XKR9: variants seen among roughly 807,000 people sequenced by gnomAD.
The protein encoded by XKR9 is XK-related protein 9.
Under a neutral mutation model 32.0 loss-of-function variants are expected in XKR9, and 32 were observed. That is an observed-to-expected ratio of 1.00 (90% CI 0.76 to 1.34). The LOEUF (loss-of-function observed/expected upper bound fraction) is 1.34, where lower values mean the gene tolerates loss of function less well. Ranked by LOEUF, XKR9 falls within the 40% of genes most tolerant of loss-of-function variation. The pLI is 0.00. For synonymous variants in XKR9, 168 were observed against 143.4 expected, an observed-to-expected ratio of 1.17 and a Z score of -1.22; for missense variants, 546 against 429.7, an observed-to-expected ratio of 1.27 and a Z score of -2.39.
the XKR9 span, among the ~76,000 whole-genome samples, chr8:70,984,713 T>C: frequency 6.6e-6 from 1 of 152,212 alleles, no homozygotes; most frequent in Non-Finnish European, 1.5e-5. Context: ...GTATAGCAAG[T>C]AGGGCCATTC....
chr8:70,974,040 G>C, the XKR9 span, among the ~76,000 whole-genome samples: 1 of 152,136 alleles, frequency 6.6e-6, no homozygotes, highest in Admixed American at 6.6e-5. Flanking sequence ...CTGATGACCT[G>C]TCTAATGCTA....
intron 2 of XKR9, among the ~76,000 whole-genome samples, chr8:70,757,561 A>ATGTATGTG: frequency 1.4e-5 from 1 of 73,592 alleles, no homozygotes; most frequent in East Asian, 2.2e-4. Context: ...GTATGTATGT[A>ATGTATGTG]TGTATGTATG....
the XKR9 span, among the ~76,000 whole-genome samples, chr8:70,839,264 C>T: frequency 1.3e-5 from 2 of 152,052 alleles, no homozygotes; most frequent in African/African-American, 2.4e-5. Context: ...ACCAACTGTA[C>T]CTACAATATA....
At chr8:70,820,606 T>C in the XKR9 span, among the ~76,000 whole-genome samples, 2 of 151,976 alleles carry the variant, frequency 1.3e-5, no homozygotes, top group African/African-American at 4.8e-5. Flanking sequence ...AGGAAAGAGG[T>C]TTAATTGACT....
chr8:70,852,642 A>G, the XKR9 span, among the ~76,000 whole-genome samples: 6 of 152,360 alleles, frequency 3.9e-5, no homozygotes, highest in East Asian at 1.2e-3. Context: ...AATGTGGCAT[A>G]TATACACCAT....
At chr8:70,795,640 ATC>A in the XKR9 span, among the ~76,000 whole-genome samples, 2 of 152,096 alleles carry the variant, frequency 1.3e-5, no homozygotes, top group African/African-American at 4.8e-5. Flanking sequence ...CCTTGTCAGC[ATC>A]TGTTATTTTT....
At chr8:70,767,878 C>G (rs927623549) in intron 2 of XKR9, among the ~76,000 whole-genome samples, 1 of 152,094 alleles carries the variant, frequency 6.6e-6, no homozygotes, top group Non-Finnish European at 1.5e-5. Flanking sequence ...AAATCCAGCT[C>G]TTGGATTCAT....
chr8:70,973,886 G>A, the XKR9 span, among the ~76,000 whole-genome samples: 1 of 152,074 alleles, frequency 6.6e-6, no homozygotes, highest in Non-Finnish European at 1.5e-5. Flanking sequence ...CCTATCATAT[G>A]GTCTATCTTG....
the XKR9 span, among the ~76,000 whole-genome samples, chr8:70,853,916 C>A: frequency 1.3e-5 from 2 of 152,118 alleles, no homozygotes; most frequent in Non-Finnish European, 2.9e-5. Context: ...TTTTCTTAAT[C>A]CAGTCTATCA....
At chr8:70,829,913 TTAAA>T in the XKR9 span, among the ~76,000 whole-genome samples, 19,774 of 152,198 alleles carry the variant, frequency 0.13, 1,671 homozygotes, top group African/African-American at 0.24. Context: ...TTTTTGATGA[TTAAA>T]TAAGTTGATT....
At chr8:71,015,539 T>G in the XKR9 span, among the ~76,000 whole-genome samples, 1 of 152,228 alleles carries the variant, frequency 6.6e-6, no homozygotes, top group Non-Finnish European at 1.5e-5. Flanking sequence ...ATCTGTATTG[T>G]GCTTTCTGTC....
At chr8:70,858,304 C>T in the XKR9 span, among the ~76,000 whole-genome samples, 1 of 152,096 alleles carries the variant, frequency 6.6e-6, no homozygotes, top group African/African-American at 2.4e-5. Flanking sequence ...AAATCACAAG[C>T]ATTCCTATAT....
At chr8:70,967,683 T>G in the XKR9 span, among the ~76,000 whole-genome samples, 1 of 152,188 alleles carries the variant, frequency 6.6e-6, no homozygotes, top group Admixed American at 6.5e-5. Context: ...TTATTTCTCT[T>G]TCACTTATGA....
At chr8:70,801,775 C>G in the XKR9 span, among the ~76,000 whole-genome samples, 2 of 152,180 alleles carry the variant, frequency 1.3e-5, no homozygotes, top group South Asian at 4.2e-4. Flanking sequence ...AAGTCTCTCA[C>G]TATTATTCTG....
chr8:70,864,275 G>A, the XKR9 span, among the ~76,000 whole-genome samples: 1 of 152,110 alleles, frequency 6.6e-6, no homozygotes, highest in African/African-American at 2.4e-5. Flanking sequence ...AAGAAGTTGT[G>A]CTCTTTAGTT....
At chr8:70,820,558 A>G in the XKR9 span, among the ~76,000 whole-genome samples, 1 of 152,176 alleles carries the variant, frequency 6.6e-6, no homozygotes, top group East Asian at 1.9e-4. Flanking sequence ...TCTTACTGCT[A>G]TAAAGACTGC....
chr8:70,859,696 T>C, the XKR9 span, among the ~76,000 whole-genome samples: 1 of 152,120 alleles, frequency 6.6e-6, no homozygotes, highest in Non-Finnish European at 1.5e-5. Context: ...GCAACATGGA[T>C]TGAACTGGAG....
intron 2 of XKR9, among the ~76,000 whole-genome samples, chr8:70,788,689 T>A (rs1807723934): frequency 1.3e-5 from 2 of 152,124 alleles, no homozygotes; most frequent in Admixed American, 1.3e-4. Flanking sequence ...GTATATAACT[T>A]CTAGAAAGTA....
chr8:70,838,225 C>T, the XKR9 span, among the ~76,000 whole-genome samples: 5 of 152,086 alleles, frequency 3.3e-5, no homozygotes, highest in African/African-American at 7.2e-5. Context: ...CAGTGCAGAA[C>T]GATTTTATAA....
Sources: gnomAD v4.1 joint callset for allele counts (sites outside exome capture counted in the v4.1 genomes callset) on GRCh38, gnomAD v4.1.1 for gene constraint, MANE v1.5 for transcripts, NCBI Gene and HGNC (gene_info 2026-07-23, HGNC 2026-07-21) for gene names.